Variants in CADM2 observed in about 807,000 individuals in gnomAD.
The protein encoded by CADM2 is cell adhesion molecule 2.
A neutral mutation model predicts 49.8 loss-of-function variants in CADM2; 12 were observed. The ratio of observed to expected loss-of-function variants is 0.24; its 90% CI spans 0.15 to 0.39. CADM2 has a LOEUF of 0.39. CADM2 is among the 10% of genes least tolerant of loss of function. The pLI is 1.00. For missense variants in CADM2, 378 were observed against 492.3 expected (o/e 0.77, Z 2.20); for synonymous variants, 214 against 175.4 (o/e 1.22, Z -1.74).
At chr3:85,563,894 C>T (rs887367059) in intron 1 of CADM2, among the ~76,000 whole-genome samples, 9 of 152,050 alleles carry the variant, frequency 5.9e-5, no homozygotes, top group Admixed American at 2.0e-4. Context: ...CCAACATAAT[C>T]CTAGATCTTA....
At chr3:85,158,523 A>C (rs1230563789) in intron 1 of CADM2, among the ~76,000 whole-genome samples, 1 of 152,224 alleles carries the variant, frequency 6.6e-6, no homozygotes, top group Non-Finnish European at 1.5e-5. Context: ...AAAAATGATG[A>C]GTTCATGTCC....
At chr3:85,605,838 T>A (rs1039542896) in intron 1 of CADM2, among the ~76,000 whole-genome samples, 4 of 152,006 alleles carry the variant, frequency 2.6e-5, no homozygotes, top group Non-Finnish European at 5.9e-5. Flanking sequence ...CAGTAAAGAG[T>A]CAATGTACAG....
intron 2 of CADM2, among the ~76,000 whole-genome samples, chr3:85,769,255 GTATATATACACATATATACATA>G (rs748055748): frequency 0.011 from 1,166 of 106,328 alleles, 4 homozygotes; most frequent in Non-Finnish European, 0.014. Flanking sequence ...TACATATATA[GTATATATACACATATATACATA>G]TATACATATA....
intron 1 of CADM2, among the ~76,000 whole-genome samples, chr3:85,710,270 A>T (rs190422465): frequency 2.1e-4 from 32 of 152,184 alleles, no homozygotes; most frequent in African/African-American, 7.5e-4. Context: ...GTCTGGAAAG[A>T]CTTCTCTTGC....
At chr3:85,942,007 A>T (rs944501128) in intron 7 of CADM2, among the ~76,000 whole-genome samples, 3 of 152,140 alleles carry the variant, frequency 2.0e-5, no homozygotes, top group Non-Finnish European at 4.4e-5. Flanking sequence ...TGTTCAAGTT[A>T]TATGATCTTT....
At chr3:85,935,903 A>T in intron 7 of CADM2, 46 bp downstream of exon 7, 1 of 1,185,346 alleles carries the variant, frequency 8.4e-7, no homozygotes. Context: ...TTTTTCTTTT[A>T]TCTTGCTTTG....
intron 5 of CADM2, among the ~76,000 whole-genome samples, chr3:85,888,924 T>A (rs1259412008): frequency 6.6e-6 from 1 of 152,160 alleles, no homozygotes; most frequent in Non-Finnish European, 1.5e-5. Flanking sequence ...CTAACTGTTT[T>A]TAGTATAATA....
chr3:85,480,477 C>T (rs1035392862), intron 1 of CADM2, among the ~76,000 whole-genome samples: 4 of 151,626 alleles, frequency 2.6e-5, no homozygotes, highest in African/African-American at 4.8e-5. Flanking sequence ...GTGACTCAGG[C>T]GTTAGTAAAA....
At chr3:85,296,011 T>C (rs1402751222) in intron 1 of CADM2, among the ~76,000 whole-genome samples, 1 of 152,062 alleles carries the variant, frequency 6.6e-6, no homozygotes, top group East Asian at 1.9e-4. Context: ...GATGTCTCTA[T>C]TTAAAATGGG....
chr3:85,568,722 C>A, intron 1 of CADM2, among the ~76,000 whole-genome samples: 1 of 150,508 alleles, frequency 6.6e-6, no homozygotes, highest in Non-Finnish European at 1.5e-5. Context: ...CCTGCCTCAG[C>A]CTCCCGAGTA....
chr3:85,369,266 A>T (rs1307412782), intron 1 of CADM2, among the ~76,000 whole-genome samples: 1 of 152,232 alleles, frequency 6.6e-6, no homozygotes, highest in African/African-American at 2.4e-5. Context: ...GTATTTTTGC[A>T]CACACAATCA....
At chr3:85,727,664 GT>G (rs938892114) in intron 2 of CADM2, among the ~76,000 whole-genome samples, 2 of 152,146 alleles carry the variant, frequency 1.3e-5, no homozygotes, top group African/African-American at 4.8e-5. Flanking sequence ...GAGAAGTGTA[GT>G]TTTAGGAATG....
chr3:85,191,496 A>G (rs977979822), intron 1 of CADM2, among the ~76,000 whole-genome samples: 1 of 152,024 alleles, frequency 6.6e-6, no homozygotes, highest in Non-Finnish European at 1.5e-5. Flanking sequence ...CTTTTAGATG[A>G]AAAAAATTGG....
At chr3:85,442,723 A>C (rs1035426613) in intron 1 of CADM2, among the ~76,000 whole-genome samples, 20 of 150,152 alleles carry the variant, frequency 1.3e-4, no homozygotes, top group Non-Finnish European at 2.5e-4. Flanking sequence ...TGTTAAATAT[A>C]GTATAAAAAA....
intron 1 of CADM2, among the ~76,000 whole-genome samples, chr3:85,496,452 C>T (rs1026361256): frequency 2.6e-5 from 4 of 152,168 alleles, no homozygotes; most frequent in African/African-American, 9.6e-5. Context: ...ACTGATGCGA[C>T]CTCACTTTAT....
intron 1 of CADM2, among the ~76,000 whole-genome samples, chr3:85,601,633 T>TA (rs1223693816): frequency 7.3e-5 from 11 of 151,662 alleles, no homozygotes; most frequent in African/African-American, 2.7e-4. Context: ...ACACTATTTT[T>TA]AAAAAAACGT....
chr3:85,630,644 T>C (rs2064280214), intron 1 of CADM2, among the ~76,000 whole-genome samples: 1 of 152,092 alleles, frequency 6.6e-6, no homozygotes, highest in Non-Finnish European at 1.5e-5. Flanking sequence ...AAGATCATAC[T>C]TTGAAAAGCT....
intron 3 of CADM2, among the ~76,000 whole-genome samples, chr3:85,880,330 T>TA (rs1302985305): frequency 6.6e-6 from 1 of 152,226 alleles, no homozygotes; most frequent in Non-Finnish European, 1.5e-5. Context: ...CTTTTTGTTT[T>TA]AATAATCTTA....
chr3:85,209,334 C>G (rs2041722073), intron 1 of CADM2, among the ~76,000 whole-genome samples: 1 of 152,046 alleles, frequency 6.6e-6, no homozygotes, highest in Admixed American at 6.6e-5. Flanking sequence ...ATTTACTTTT[C>G]CCAGTAAAAG....
Sources: allele counts gnomAD v4.1 joint callset (sites outside exome capture counted in the v4.1 genomes callset), GRCh38; gene constraint gnomAD v4.1.1; transcripts MANE v1.5; gene names NCBI Gene and HGNC (gene_info 2026-07-23, HGNC 2026-07-21).